Variants in SSUH2 observed in about 807,000 individuals in gnomAD.
SSUH2 encodes ssu-2 homolog.
SSUH2 carries 47 observed loss-of-function variants against 55.3 expected under a neutral mutation model. That is an observed-to-expected ratio of 0.85 (90% confidence interval 0.67 to 1.08). The LOEUF is 1.08. Ranked by LOEUF, SSUH2 falls within the 50% of genes least tolerant of loss-of-function variation. SSUH2 has a pLI of 0.00. For missense variants in SSUH2, 535 were observed against 490.7 expected (o/e 1.09, Z -0.85); for synonymous variants, 212 against 191.5 (o/e 1.11, Z -0.89).
At chr3:8,634,375 C>G in intron 3 of SSUH2, 1 of 1,291,426 alleles carries the variant, frequency 7.7e-7, no homozygotes, top group African/African-American at 1.5e-5. Flanking sequence ...AGTCCCTTCC[C>G]TGAGGCCATG....
upstream of SSUH2, among the ~76,000 whole-genome samples, chr3:8,646,126 T>C (rs1701649459): frequency 6.6e-6 from 1 of 152,102 alleles, no homozygotes; most frequent in Non-Finnish European, 1.5e-5. Context: ...CCATGGTAAA[T>C]GGGGTTATCA....
intron 5 of SSUH2, chr3:8,663,845 A>G (rs1046245749): frequency 6.6e-6 from 3 of 456,616 alleles, no homozygotes; most frequent in Non-Finnish European, 8.8e-6. Context: ...AATTCTTAGT[A>G]ATGATGCGTG....
At chr3:8,678,091 C>T (rs1439450899) in intron 2 of SSUH2, among the ~76,000 whole-genome samples, 2 of 152,074 alleles carry the variant, frequency 1.3e-5, no homozygotes, top group African/African-American at 2.4e-5. Flanking sequence ...GCGTGTCCAC[C>T]TTCTGTCATA....
chr3:8,677,482 T>G lies in SSUH2; in HGVS notation c.-900-129A>C, dbSNP rs947313716. Reference sequence around the variant, plus strand: ...AAAGGGGGCGGGGACCAGGAACCTTTGGAATGGGGATCCCAACAACAGCAA... The same window carrying G: ...AAAGGGGGCGGGGACCAGGAACCTTGGGAATGGGGATCCCAACAACAGCAA... On this transcript the variant is annotated intron_variant, in intron 2 of 18. Transcript: ENST00000317371. The G allele has an allele frequency of 4.0e-5, 6 of 150,830 alleles. 1 individual carries two copies. Among genetic ancestry groups the G allele is most frequent in the Admixed American group, 6.6e-5 (1 of 15,218 alleles). 9.3% of individuals were successfully genotyped at this position (150,830 alleles called of 1,614,324 possible).
intron 5 of SSUH2, among the ~76,000 whole-genome samples, chr3:8,665,481 A>G: frequency 6.6e-6 from 1 of 152,172 alleles, no homozygotes; most frequent in East Asian, 1.9e-4. Flanking sequence ...ATTTAATGCA[A>G]CTTCCACAAC....
At chr3:8,625,882 G>A (rs1322706081) in intron 9 of SSUH2, among the ~76,000 whole-genome samples, 3 of 152,192 alleles carry the variant, frequency 2.0e-5, no homozygotes. Context: ...CACTTAGCAA[G>A]GTGCCTGAGA....
upstream of SSUH2, among the ~76,000 whole-genome samples, chr3:8,645,573 C>T (rs372044392): frequency 6.6e-6 from 1 of 152,170 alleles, no homozygotes. Flanking sequence ...CCACCCCCTC[C>T]ACTGCATCCT....
chr3:8,624,246 G>A (rs1211801179), intron 10 of SSUH2, among the ~76,000 whole-genome samples: 1 of 152,176 alleles, frequency 6.6e-6, no homozygotes, highest in Non-Finnish European at 1.5e-5. Context: ...TTGTGGAACT[G>A]TGGCTCCTTC....
intron 1 of SSUH2, among the ~76,000 whole-genome samples, chr3:8,643,853 T>C (rs1160477425): frequency 6.6e-6 from 1 of 152,044 alleles, no homozygotes; most frequent in East Asian, 1.9e-4. Flanking sequence ...CCTAAACCAA[T>C]CTCGTTTTAT....
intron 1 of SSUH2, among the ~76,000 whole-genome samples, chr3:8,642,400 C>G (rs545524653): frequency 3.9e-5 from 6 of 152,166 alleles, no homozygotes; most frequent in African/African-American, 1.4e-4. Flanking sequence ...AGCCTGGAAT[C>G]AAGACCAAAG....
chr3:8,661,592 C>T (rs1022459927), intron 6 of SSUH2, among the ~76,000 whole-genome samples: 4 of 152,216 alleles, frequency 2.6e-5, no homozygotes, highest in Non-Finnish European at 5.9e-5. Context: ...ACTCCCGAAT[C>T]CGAGACAAAG....
At chr3:8,655,511 G>A (rs914492366) in intron 7 of SSUH2, among the ~76,000 whole-genome samples, 4 of 112,138 alleles carry the variant, frequency 3.6e-5, no homozygotes, top group Non-Finnish European at 7.6e-5. Flanking sequence ...CTCTTCCCCC[G>A]GGTCTCAGTG....
intron 7 of SSUH2, chr3:8,629,323 G>A: frequency 3.4e-6 from 1 of 292,570 alleles, no homozygotes; most frequent in Non-Finnish European, 6.3e-6. Flanking sequence ...GGTTTCCCTG[G>A]CTGACAAAGA....
At chr3:8,681,696 GACCCCCATCGCAGCGGGGGGAGGC>G (rs1376906022) in intron 1 of SSUH2, among the ~76,000 whole-genome samples, 6 of 151,168 alleles carry the variant, frequency 4.0e-5, no homozygotes, top group Non-Finnish European at 8.9e-5. Context: ...CGGCTCTTAG[GACCCCCATCGCAGCGGGGGGAGGC>G]ACCCCCTGGG....
Position 8,627,855 on chromosome 3 carries a change from G to A in SSUH2, c.589-72C>T, listed in dbSNP as rs1697925318. 2.9e-5 allele frequency: 41 copies of A among 1,400,328 alleles called. No individual in the cohort carries two copies. The South Asian group carries it at 5.4e-4, about 18-fold the overall frequency. The allele number at this position is 1,400,328 out of a possible 1,614,324, so 86.7% of individuals were successfully genotyped here. A position where few individuals can be genotyped will look rare whatever the true frequency, so the allele number is the denominator to read the frequency against. Reference sequence around the variant, plus strand: ...AGGGCCAACGGCATCCCAAGACCTGGTTCAAATCCCAGCCTGGTGACCTTC... The same window carrying A: ...AGGGCCAACGGCATCCCAAGACCTGATTCAAATCCCAGCCTGGTGACCTTC... On this transcript the variant is annotated intron_variant, in intron 7 of 11. Transcript: ENST00000544814.
At position 8,624,599 on chromosome 3, in the gene SSUH2, G is replaced by A. The variant is rs927604364; in HGVS notation, c.873+943C>T. Among the ~76,000 whole-genome samples, 3 of 152,252 alleles carry A rather than the reference G, an allele frequency of 2.0e-5. No homozygotes were observed. The South Asian group carries it at 6.2e-4, about 31-fold the overall frequency. On this transcript the variant is annotated intron_variant, in intron 10 of 11. Transcript: ENST00000544814. ...TCTCTCTGCCAAGGCCAACGGCAGA[G>A]TGAGAAAACCTTTTCTGCTAAGAAC...
intron 5 of SSUH2, among the ~76,000 whole-genome samples, chr3:8,668,023 G>A (rs1704148252): frequency 6.6e-6 from 1 of 151,968 alleles, no homozygotes; most frequent in Non-Finnish European, 1.5e-5. Context: ...CCTCCTTACA[G>A]AAATTAATTT....
intron 2 of SSUH2, among the ~76,000 whole-genome samples, chr3:8,679,452 A>AT (rs1559573458): frequency 1.6e-5 from 2 of 122,484 alleles, no homozygotes; most frequent in East Asian, 2.8e-4. Context: ...CAGCGGGGGG[A>AT]GGCACCCCCC....
chr3:8,635,333 TCCTGGGGCCTC>T lies in SSUH2; in HGVS notation c.165_175del (p.Arg56AlafsTer31), dbSNP rs772844910. 16 of 1,536,002 alleles carry T rather than the reference TCCTGGGGCCTC, an allele frequency of 1.0e-5. No individual in the cohort carries two copies. The highest frequency in any genetic ancestry group is 1.2e-5 in the Non-Finnish European group (14 of 1,146,844). On this transcript the variant is annotated frameshift_variant, in exon 3 of 12. Coordinates refer to ENST00000544814, the MANE Select transcript of SSUH2 (RefSeq NM_001256748.3). LOFTEE classifies it high-confidence loss of function. ...CAGGAACGAGGGCCAGGACCTTTGCTCCTGGGGCCTCCCTGGGGCCTCCAAAGGTGGGAAGA... is the reference window on the plus strand; with the variant it reads ...CAGGAACGAGGGCCAGGACCTTTGCTCCTGGGGCCTCCAAAGGTGGGAAGA...
Sources: allele counts gnomAD v4.1 joint callset (sites outside exome capture counted in the v4.1 genomes callset), GRCh38; gene constraint gnomAD v4.1.1; transcripts MANE v1.5; gene names NCBI Gene and HGNC (gene_info 2026-07-23, HGNC 2026-07-21).